The following MYOM2 variants were observed in gnomAD, a reference collection of about 807,000 sequenced individuals.
MYOM2 encodes the protein myomesin-2.
In MYOM2, 254 loss-of-function variants were observed where a neutral mutation model predicts 187.6. The observed-to-expected ratio is 1.35, with a 90% CI of 1.22 to 1.50. The LOEUF is 1.50. MYOM2 is among the 40% of genes most tolerant of loss of function. The pLI, the probability that MYOM2 is intolerant of heterozygous loss-of-function variation, is 0.00. For synonymous variants in MYOM2, 981 were observed against 753.8 expected (o/e 1.30, Z -4.94); for missense variants, 2,796 against 1,924.0 (o/e 1.45, Z -8.48).
At chr8:2,078,962 G>C in intron 12 of MYOM2, 29 bp downstream of exon 12, 1 of 1,605,400 alleles carries the variant, frequency 6.2e-7, no homozygotes, top group Non-Finnish European at 8.5e-7. Context: ...AGTATCCACT[G>C]TGCCCAGGAA....
intron 14 of MYOM2, among the ~76,000 whole-genome samples, chr8:2,086,312 AGTCGTGATCTCTGCGTGGCCCCC>A (rs1796045908): frequency 1.3e-4 from 2 of 14,936 alleles, no homozygotes; most frequent in Non-Finnish European, 2.4e-4. Flanking sequence ...GGCCCCCCAC[AGTCGTGATCTCTGCGTGGCCCCC>A]CACTGTTGTG....
At chr8:2,066,091 C>G (rs1371766889) in intron 6 of MYOM2, among the ~76,000 whole-genome samples, 1 of 152,238 alleles carries the variant, frequency 6.6e-6, no homozygotes. Flanking sequence ...CCCTTCCTCA[C>G]TGAGGAACTG....
intron 25 of MYOM2, among the ~76,000 whole-genome samples, chr8:2,112,879 G>A (rs1229044238): frequency 6.6e-6 from 1 of 152,246 alleles, no homozygotes; most frequent in Non-Finnish European, 1.5e-5. Flanking sequence ...GGCTGTGAGA[G>A]GAGTGTGGTT....
chr8:2,089,700 C>T (rs767615653), intron 14 of MYOM2, among the ~76,000 whole-genome samples: 2 of 152,168 alleles, frequency 1.3e-5, no homozygotes, highest in Non-Finnish European at 2.9e-5. Flanking sequence ...CAGGTTAGTT[C>T]TATTTTGCTA....
At chr8:2,137,513 C>T (rs5029668) in intron 32 of MYOM2, among the ~76,000 whole-genome samples, 26,443 of 151,666 alleles carry the variant, frequency 0.17, 4,525 homozygotes, top group African/African-American at 0.43. Flanking sequence ...TCCTGTCCCA[C>T]GGGTCTGTGT....
intron 3 of MYOM2, among the ~76,000 whole-genome samples, chr8:2,053,313 A>T (rs142451004): frequency 4.3e-4 from 65 of 152,332 alleles, no homozygotes; most frequent in African/African-American, 1.5e-3. Flanking sequence ...AATGAATTCT[A>T]GTGTAAAGTG....
At chr8:2,086,414 TCC>T (rs1796062376) in intron 14 of MYOM2, among the ~76,000 whole-genome samples, 2 of 27,838 alleles carry the variant, frequency 7.2e-5, no homozygotes, top group African/African-American at 1.1e-4. Flanking sequence ...CTGCGTGGCC[TCC>T]CACTGTTGTG....
chr8:2,124,087 C>T (rs1277752108), intron 30 of MYOM2, 92 bp from the exon 31 acceptor site: 6 of 1,281,640 alleles, frequency 4.7e-6, no homozygotes, highest in Non-Finnish European at 4.4e-6. Flanking sequence ...CTGAACATCA[C>T]AATTTCCTGC....
chr8:2,108,779 G>C lies in MYOM2; in HGVS notation c.2999-7G>C. 6.2e-7 allele frequency: 1 copy of C among 1,613,448 alleles called. No individual in the cohort carries two copies. Among genetic ancestry groups the C allele is most frequent in the South Asian group, 1.1e-5 (1 of 90,968 alleles). On this transcript the variant is annotated splice_region_variant and splice_polypyrimidine_tract_variant and intron_variant, in intron 23 of 36. Coordinates refer to ENST00000262113, the MANE Select transcript of MYOM2 (RefSeq NM_003970.4). ...AGATGAATTGAAATACTTTTTCTTC[G>C]TTTTAGAGCTCGAGCGTTTGATGGC... is the stretch of plus-strand genomic sequence containing the variant.
In MYOM2 at chr8:2,077,468, G is replaced by A. The variant is rs140605040; in HGVS notation, c.1262+1186G>A. On this transcript the variant is annotated intron_variant, in intron 11 of 36. Coordinates refer to ENST00000262113, the MANE Select transcript of MYOM2 (RefSeq NM_003970.4). ...GGAATTGGCTTTTGTTTGTTTGTTT[G>A]TTTATGCTGATTAAATTCTCTTTTC... 5.9e-5 allele frequency among the ~76,000 whole-genome samples: 9 copies of A among 152,242 alleles called. No homozygotes were observed. The East Asian group carries it at 1.7e-3, about 29-fold the overall frequency.
chr8:2,084,235 A>T (rs2116694857), intron 13 of MYOM2, among the ~76,000 whole-genome samples: 1 of 152,320 alleles, frequency 6.6e-6, no homozygotes, highest in East Asian at 1.9e-4. Flanking sequence ...TTCCGGAGAC[A>T]CACTGACTCC....
intron 10 of MYOM2, 147 bp downstream of exon 10, chr8:2,073,647 C>G (rs918929442): frequency 3.2e-6 from 3 of 942,260 alleles, no homozygotes; most frequent in Non-Finnish European, 4.5e-6. Flanking sequence ...CCCCGATTTT[C>G]CCTCAGTGCA....
At chr8:2,121,066 A>T (rs796601375) in intron 28 of MYOM2, among the ~76,000 whole-genome samples, 11 of 152,264 alleles carry the variant, frequency 7.2e-5, no homozygotes, top group African/African-American at 2.6e-4. Context: ...ATGGACATTT[A>T]AAGGGAAGAA....
chr8:2,144,952 C>G lies in MYOM2; in HGVS notation c.4369C>G (p.Pro1457Ala). The G allele has an allele frequency of 6.2e-7, 1 of 1,614,166 alleles. No homozygotes were observed. The highest frequency in any genetic ancestry group is 8.5e-7 in the Non-Finnish European group (1 of 1,180,038). The change falls in exon 37 of 37, where the codon CCC (proline) becomes GCC (alanine). Residue 1457 changes from proline to alanine, a missense_variant. Transcript: ENST00000262113. ...CCAGCAAGCCAAGCCCAAGCTCATCCCCGCGTCTGCCTCAGCGGCAGGCCA... is the reference window on the plus strand; with the variant it reads ...CCAGCAAGCCAAGCCCAAGCTCATCGCCGCGTCTGCCTCAGCGGCAGGCCA... The part of the protein sequence containing the change: ...PPQQAKPKLI[P>A]ASASAAGQ
At chr8:2,144,583 C>G (rs1798389469) in intron 36 of MYOM2, 81 bp from the exon 37 acceptor site, 4 of 1,391,242 alleles carry the variant, frequency 2.9e-6, no homozygotes, top group Non-Finnish European at 4.0e-6. Context: ...CTGAGTGTGA[C>G]CTGGAGCCCA....
intron 14 of MYOM2, among the ~76,000 whole-genome samples, chr8:2,089,188 G>C (rs371716368): frequency 6.1e-5 from 2 of 32,958 alleles, no homozygotes; most frequent in African/African-American, 1.5e-4. Context: ...CGAAAAAGGC[G>C]TTTTATCTCT....
At chr8:2,100,109 T>TTTCCTTCCTTCCTTCCTTCCTTCCATCC (rs1585905485) in intron 19 of MYOM2, among the ~76,000 whole-genome samples, 13 of 64,570 alleles carry the variant, frequency 2.0e-4, no homozygotes, top group African/African-American at 9.1e-4. Context: ...TCCTTCCTTC[T>TTTCCTTCCTTCCTTCCTTCCTTCCATCC]TTCTTTCCTT....
intron 18 of MYOM2, 123 bp downstream of exon 18, chr8:2,096,557 G>C (rs1459580819): frequency 1.1e-6 from 1 of 915,578 alleles, no homozygotes; most frequent in Non-Finnish European, 1.6e-6. Flanking sequence ...TTAAAAAATA[G>C]CATCATGAGA....
chr8:2,098,218 G>A (rs1388028079), intron 18 of MYOM2: 4 of 152,258 alleles, frequency 2.6e-5, no homozygotes, highest in Non-Finnish European at 5.9e-5. Flanking sequence ...TTGAGACAGT[G>A]TTTACCCAGA....
Sources: gnomAD v4.1 joint callset for allele counts (sites outside exome capture counted in the v4.1 genomes callset) on GRCh38, gnomAD v4.1.1 for gene constraint, MANE v1.5 for transcripts, NCBI Gene and HGNC (gene_info 2026-07-23, HGNC 2026-07-21) for gene names.